The following ANO3 variants were observed in gnomAD, a reference collection of about 807,000 sequenced individuals.
The protein encoded by ANO3 is anoctamin 3.
A neutral mutation model predicts 144.8 loss-of-function variants in ANO3; 99 were observed. The observed-to-expected ratio is 0.68, with a 90% CI of 0.58 to 0.81. ANO3 has a LOEUF of 0.81. Ranked by LOEUF, ANO3 falls within the 30% of genes least tolerant of loss-of-function variation. The pLI is 0.00. For synonymous variants in ANO3, 414 were observed against 392.6 expected (o/e 1.05, Z -0.64); for missense variants, 905 against 1,202.2 (o/e 0.75, Z 3.66).
At chr11:26,649,291 C>CT (rs1406833854) in intron 24 of ANO3, among the ~76,000 whole-genome samples, 2 of 152,072 alleles carry the variant, frequency 1.3e-5, no homozygotes, top group Non-Finnish European at 2.9e-5. Context: ...TAGAATCTGA[C>CT]TTTTTTGATA....
At chr11:26,291,456 G>A (rs950988576) in intron 1 of ANO3, among the ~76,000 whole-genome samples, 1 of 152,164 alleles carries the variant, frequency 6.6e-6, no homozygotes, top group East Asian at 1.9e-4. Context: ...TCATTATGAT[G>A]TTAGCTAGTT....
chr11:26,230,243 A>G lies in ANO3; in HGVS notation c.154+40913A>G, dbSNP rs568005476. ...GGTGAGGAAATGGACATGAAATAGG[A>G]AAGTTTTAATAGTGAGAAGTGGCAG... is the stretch of plus-strand genomic sequence containing the variant. On this transcript the variant is annotated intron_variant, in intron 1 of 27. Transcript: ENST00000672621. Among the ~76,000 whole-genome samples, 4 of 152,292 alleles carry G rather than the reference A, an allele frequency of 2.6e-5. No individual in the cohort carries two copies. The East Asian group carries it at 7.7e-4, about 29-fold the overall frequency.
At chr11:26,591,825 C>G (rs976887712) in intron 14 of ANO3, among the ~76,000 whole-genome samples, 1 of 152,188 alleles carries the variant, frequency 6.6e-6, no homozygotes, top group African/African-American at 2.4e-5. Flanking sequence ...CCAGCATTGT[C>G]TCCTGGATTT....
At chr11:26,587,027 C>G (rs1851306518) in intron 14 of ANO3, among the ~76,000 whole-genome samples, 1 of 152,150 alleles carries the variant, frequency 6.6e-6, no homozygotes, top group Admixed American at 6.6e-5. Flanking sequence ...GATGGCAGCT[C>G]AACCCCTTTT....
At chr11:26,277,527 A>C (rs1853584888) in intron 1 of ANO3, among the ~76,000 whole-genome samples, 1 of 152,018 alleles carries the variant, frequency 6.6e-6, no homozygotes, top group African/African-American at 2.4e-5. Flanking sequence ...TGTCTCTCAA[A>C]ATCTTTTTGA....
intron 1 of ANO3, among the ~76,000 whole-genome samples, chr11:26,439,267 G>T (rs1396037079): frequency 6.6e-6 from 1 of 152,062 alleles, no homozygotes; most frequent in African/African-American, 2.4e-5. Context: ...ATTAGATAAT[G>T]GTTTCATAGA....
At chr11:26,442,311 C>T (rs952266770) in intron 2 of ANO3, among the ~76,000 whole-genome samples, 199 bp downstream of exon 2, 1 of 152,106 alleles carries the variant, frequency 6.6e-6, no homozygotes, top group Non-Finnish European at 1.5e-5. Context: ...GTGGCCAATC[C>T]CATGGAGTCT....
chr11:26,635,379 A>G (rs771147386), intron 20 of ANO3, among the ~76,000 whole-genome samples: 2 of 152,110 alleles, frequency 1.3e-5, no homozygotes, highest in Non-Finnish European at 2.9e-5. Context: ...GTAAATTTTC[A>G]AACTTTTAAA....
rs751985809 is a variant in ANO3 at position 26,443,808 on chromosome 11, A to G, written c.285A>G (p.Ser95=). ...AAAACGACTCTGTGCTGAGATGTTC[A>G]TTTGCTGACCTCAGCGATTTTTGTT... The part of the protein sequence containing the change: ...ENKNDSVLRC[S]FADLSDFCLA... The change falls in exon 3 of 27, where the codon TCA becomes TCG. Residue 95 remains serine, a synonymous_variant. Coordinates refer to ENST00000256737, the MANE Select transcript of ANO3 (RefSeq NM_031418.4). 1.2e-6 allele frequency: 2 copies of G among 1,611,912 alleles called. No homozygotes were observed. Among genetic ancestry groups the G allele is most frequent in the Non-Finnish European group, 1.7e-6 (2 of 1,179,042 alleles).
intron 7 of ANO3, among the ~76,000 whole-genome samples, chr11:26,528,636 A>G (rs1849226574): frequency 6.6e-6 from 1 of 152,092 alleles, no homozygotes; most frequent in Non-Finnish European, 1.5e-5. Flanking sequence ...GAACAAATGG[A>G]ATTACTCTCT....
chr11:26,593,381 T>G (rs539821349), intron 14 of ANO3, among the ~76,000 whole-genome samples: 1 of 152,116 alleles, frequency 6.6e-6, no homozygotes, highest in East Asian at 1.9e-4. Flanking sequence ...CACAACTTAG[T>G]GTCTGGGAGA....
chr11:26,336,482 A>G (rs887653840), intron 1 of ANO3, among the ~76,000 whole-genome samples: 2 of 152,252 alleles, frequency 1.3e-5, no homozygotes, highest in African/African-American at 4.8e-5. Context: ...TTACACTTAT[A>G]TGGAGACTTA....
At chr11:26,227,106 C>T (rs1175832285) in intron 1 of ANO3, among the ~76,000 whole-genome samples, 1 of 152,118 alleles carries the variant, frequency 6.6e-6, no homozygotes, top group African/African-American at 2.4e-5. Context: ...AGGATTCAAC[C>T]ATGTTGTTAC....
intron 17 of ANO3, among the ~76,000 whole-genome samples, chr11:26,615,090 T>G (rs1326763327): frequency 6.6e-6 from 1 of 150,868 alleles, no homozygotes; most frequent in Non-Finnish European, 1.5e-5. Flanking sequence ...TGATTTATAA[T>G]CAGAAAAAAA....
intron 1 of ANO3, among the ~76,000 whole-genome samples, chr11:26,418,363 T>C (rs949413289): frequency 9.2e-5 from 14 of 152,042 alleles, no homozygotes; most frequent in Admixed American, 9.2e-4. Context: ...ATTTTTAGTT[T>C]TTTAAAATGC....
At chr11:26,424,117 G>T (rs1322008052) in intron 1 of ANO3, among the ~76,000 whole-genome samples, 1 of 151,772 alleles carries the variant, frequency 6.6e-6, no homozygotes, top group East Asian at 1.9e-4. Context: ...CTCCAACTCG[G>T]ATTGCAGCAA....
At chr11:26,482,966 C>T (rs368061420) in intron 4 of ANO3, among the ~76,000 whole-genome samples, 3 of 152,070 alleles carry the variant, frequency 2.0e-5, no homozygotes, top group African/African-American at 7.2e-5. Flanking sequence ...TTCTTATTTT[C>T]AGTCACCTAT....
intron 17 of ANO3, among the ~76,000 whole-genome samples, chr11:26,604,876 C>A (rs1439950473): frequency 2.6e-5 from 4 of 152,184 alleles, no homozygotes; most frequent in Non-Finnish European, 5.9e-5. Context: ...GACAATTTGA[C>A]TTCCTCTCTT....
chr11:26,283,352 A>ATATATATATC, intron 1 of ANO3, among the ~76,000 whole-genome samples: 1 of 116,068 alleles, frequency 8.6e-6, no homozygotes, highest in Admixed American at 9.3e-5. Flanking sequence ...ATATATATAT[A>ATATATATATC]TATATATATA....
Sources: allele counts gnomAD v4.1 joint callset (sites outside exome capture counted in the v4.1 genomes callset), GRCh38; gene constraint gnomAD v4.1.1; transcripts MANE v1.5; gene names NCBI Gene and HGNC (gene_info 2026-07-23, HGNC 2026-07-21).